The following EXOSC7 variants were observed in gnomAD, a reference collection of about 807,000 sequenced individuals.
EXOSC7 encodes exosome component 7.
A neutral mutation model predicts 34.3 loss-of-function variants in EXOSC7; 25 were observed. The ratio of observed to expected loss-of-function variants is 0.73; its 90% CI spans 0.53 to 1.02. The LOEUF (loss-of-function observed/expected upper bound fraction) is 1.02. Ranked by LOEUF, EXOSC7 falls within the 50% of genes least tolerant of loss-of-function variation. The probability of loss-of-function intolerance (pLI) is 0.00; values close to 1 mark genes in which losing one functional copy is unlikely to be tolerated. For synonymous variants in EXOSC7, 130 were observed against 143.0 expected (o/e 0.91, Z 0.65); for missense variants, 370 against 368.5 (o/e 1.00, Z -0.03).
Position 44,976,352 on chromosome 3 carries a change from G to A in EXOSC7, c.57+18G>A. 6.4e-7 allele frequency: 1 copy of A among 1,564,528 alleles called. No individual in the cohort carries two copies. Among genetic ancestry groups the A allele is most frequent in the Non-Finnish European group, 8.6e-7 (1 of 1,161,590 alleles). On this transcript the variant is annotated intron_variant, in intron 1 of 7. Coordinates refer to ENST00000265564, the MANE Select transcript of EXOSC7 (RefSeq NM_015004.4). ...GCGTCCAGGTAGCTACAGCAGCGGC[G>A]TTGGGTCGGCCGCCGGGTTCAGCCT... is the stretch of plus-strand genomic sequence containing the variant.
chr3:45,002,801 T>A (rs1233741456), intron 5 of EXOSC7, among the ~76,000 whole-genome samples: 1 of 152,192 alleles, frequency 6.6e-6, no homozygotes, highest in Non-Finnish European at 1.5e-5. Context: ...CCCCCACCCC[T>A]AGCTGTGCCA....
At position 44,989,645 on chromosome 3, in the gene EXOSC7, G is replaced by A; in HGVS notation, c.254+1G>A. 6.3e-7 allele frequency: 1 copy of A among 1,591,154 alleles called. No individual in the cohort carries two copies. Among genetic ancestry groups the A allele is most frequent in the Non-Finnish European group, 8.6e-7 (1 of 1,159,244 alleles). ...GCTACTTGGAGTTCTTTGTTGACTG[G>A]TCAGTACTGTCTATGCAGATATTTC... On this transcript the variant is annotated splice_donor_variant, in intron 3 of 7. Transcript: ENST00000265564. LOFTEE classifies it high-confidence loss of function.
intron 7 of EXOSC7, among the ~76,000 whole-genome samples, chr3:45,008,644 CAT>C (rs1300927839): frequency 6.6e-6 from 1 of 152,184 alleles, no homozygotes; most frequent in Non-Finnish European, 1.5e-5. Flanking sequence ...AGGAGAAGCA[CAT>C]GTCACAGTGC....
At position 44,989,664 on chromosome 3, in the gene EXOSC7, A is replaced by G. The variant is rs191178618; in HGVS notation, c.254+20A>G. 3,051 of 1,534,278 alleles carry G rather than the reference A, an allele frequency of 2.0e-3. 5 individuals carry two copies. The highest frequency in any genetic ancestry group is 2.5e-3 in the Non-Finnish European group (2,724 of 1,111,516). ...TGACTGGTCAGTACTGTCTATGCAG[A>G]TATTTCTAAAGATAAATGATTTTAA... On this transcript the variant is annotated intron_variant, in intron 3 of 7. Coordinates refer to ENST00000265564, the MANE Select transcript of EXOSC7 (RefSeq NM_015004.4).
intron 1 of EXOSC7, among the ~76,000 whole-genome samples, chr3:44,980,566 C>G (rs2125960989): frequency 6.6e-6 from 1 of 152,326 alleles, no homozygotes; most frequent in Non-Finnish European, 1.5e-5. Flanking sequence ...ATACTTGACT[C>G]TGAGGCCACC....
Position 45,011,233 on chromosome 3 carries a change from A to G in EXOSC7, c.772-2A>G, listed in dbSNP as rs1235844858. 2 of 1,605,912 alleles carry G rather than the reference A, an allele frequency of 1.2e-6. No homozygotes were observed. Among genetic ancestry groups the G allele is most frequent in the Admixed American group, 1.7e-5 (1 of 59,230 alleles). ...GTGCTCTCTCCCGTCCCTTCTCCAC[A>G]GACTGGCAAGCGTGTGGGCAAGGTA... On this transcript the variant is annotated splice_acceptor_variant, in intron 7 of 7. Transcript: ENST00000265564. LOFTEE classifies it high-confidence loss of function.
intron 5 of EXOSC7, chr3:45,004,678 A>G (rs531277205): frequency 6.7e-6 from 1 of 149,840 alleles, no homozygotes; most frequent in African/African-American, 2.5e-5. Context: ...TTTATTGGCT[A>G]CTCAGACAGC....
Position 45,011,299 on chromosome 3 carries a change from G to A in EXOSC7, c.836G>A (p.Ser279Asn), listed in dbSNP as rs757197931. The change falls in exon 8 of 8, where the codon AGC (serine) becomes AAC (asparagine). Residue 279 changes from serine to asparagine, a missense_variant. Around this residue, in one of 3 missense-constraint regions of EXOSC7, gnomAD observed 255 missense variants for 246.4 expected, o/e 1.03. Transcript: ENST00000265564. ...CAGAGTGTTGTGCACAAGGAAGAAA[G>A]CCTGGGGCCCAAGAGACAGAAAGTT... ...SLQSVVHKEE[S>N]LGPKRQKVGF... 20 of 1,613,418 alleles carry A rather than the reference G, an allele frequency of 1.2e-5. No homozygotes were observed. The Admixed American group carries it at 1.7e-4, about 13-fold the overall frequency.
downstream of EXOSC7, among the ~76,000 whole-genome samples, chr3:45,012,012 C>A (rs1697299637): frequency 1.3e-5 from 2 of 152,238 alleles, no homozygotes; most frequent in Admixed American, 1.3e-4. Flanking sequence ...AAGAAGGCAG[C>A]TTTCAAGATG....
chr3:44,996,455 G>A (rs1706724832), intron 3 of EXOSC7, among the ~76,000 whole-genome samples: 2 of 151,984 alleles, frequency 1.3e-5, no homozygotes. Flanking sequence ...AATGAAGGAG[G>A]TAACCTACTA....
At chr3:45,004,583 T>A (rs1399263595) in intron 5 of EXOSC7, 6 of 145,472 alleles carry the variant, frequency 4.1e-5, no homozygotes, top group African/African-American at 1.5e-4. Context: ...TTTTTTTTAA[T>A]AGTTATTTTG....
chr3:45,002,670 G>A (rs1401794085), intron 5 of EXOSC7, among the ~76,000 whole-genome samples: 1 of 152,064 alleles, frequency 6.6e-6, no homozygotes, highest in Non-Finnish European at 1.5e-5. Context: ...TCATATTTTG[G>A]CCAACATAAC....
At position 45,007,512 on chromosome 3, in the gene EXOSC7, G is replaced by C. The variant is rs750803381; in HGVS notation, c.708G>C (p.Val236=). Residue 236 remains valine (V), a synonymous_variant, in exon 7 of 8, where the codon GTG becomes GTC. Coordinates refer to ENST00000265564, the MANE Select transcript of EXOSC7 (RefSeq NM_015004.4). ...TGTCGGTGACCAGCAAGGGAGTTGT[G>C]ACGTGCATGAGGAAAGTGGGGAAGG... ...LLVSVTSKGV[V]TCMRKVGKGS... 6.2e-7 allele frequency: 1 copy of C among 1,614,058 alleles called. No homozygotes were observed. Among genetic ancestry groups the C allele is most frequent in the Non-Finnish European group, 8.5e-7 (1 of 1,179,952 alleles).
intron 4 of EXOSC7, among the ~76,000 whole-genome samples, chr3:45,001,172 G>A (rs1417439741): frequency 6.6e-6 from 1 of 152,108 alleles, no homozygotes; most frequent in Non-Finnish European, 1.5e-5. Flanking sequence ...TCGGTGTCCT[G>A]GCCGGGCGTG....
chr3:45,011,316 C>T lies in EXOSC7; in HGVS notation c.853C>T (p.Gln285Ter), dbSNP rs771908785. Residue 285 changes from glutamine to a stop codon, truncating the protein, a stop_gained, in exon 8 of 8, where the codon CAG (glutamine) becomes TAG (stop). Coordinates refer to ENST00000265564, the MANE Select transcript of EXOSC7 (RefSeq NM_015004.4). LOFTEE classifies it high-confidence loss of function. ...GGAAGAAAGCCTGGGGCCCAAGAGA[C>T]AGAAAGTTGGATTCCTGGGATGATT... ...HKEESLGPKR[Q>*]KVGFLG 6.2e-7 allele frequency: 1 copy of T among 1,612,400 alleles called. No individual in the cohort carries two copies. Among genetic ancestry groups the T allele is most frequent in the South Asian group, 1.1e-5 (1 of 90,880 alleles).
chr3:45,006,751 G>A (rs1017019566), intron 6 of EXOSC7, among the ~76,000 whole-genome samples: 9 of 152,006 alleles, frequency 5.9e-5, no homozygotes, highest in African/African-American at 2.2e-4. Flanking sequence ...TGCCCAGGCT[G>A]GAGTGCAGTA....
chr3:44,992,044 C>CAAGGA (rs1172536603), intron 3 of EXOSC7, among the ~76,000 whole-genome samples: 2 of 152,152 alleles, frequency 1.3e-5, no homozygotes, highest in African/African-American at 4.8e-5. Flanking sequence ...ATTGAGTCTT[C>CAAGGA]AAGGAGCATA....
intron 1 of EXOSC7, among the ~76,000 whole-genome samples, chr3:44,985,387 T>C (rs1484509756): frequency 6.6e-6 from 1 of 152,196 alleles, no homozygotes; most frequent in Admixed American, 6.5e-5. Flanking sequence ...ACCCTCGCGG[T>C]GAGTGTTACA....
At chr3:44,992,002 C>T (rs771489667) in intron 3 of EXOSC7, among the ~76,000 whole-genome samples, 17 of 152,194 alleles carry the variant, frequency 1.1e-4, no homozygotes, top group Non-Finnish European at 2.2e-4. Context: ...GGTTACCAAG[C>T]ACTGATCGCT....
Sources: allele counts gnomAD v4.1 joint callset (sites outside exome capture counted in the v4.1 genomes callset), GRCh38; gene constraint gnomAD v4.1.1; regional missense constraint gnomAD v4.1.1; transcripts MANE v1.5; gene names NCBI Gene and HGNC (gene_info 2026-07-23, HGNC 2026-07-21).